PRR16: variants seen among roughly 807,000 people sequenced by gnomAD.
PRR16 encodes the protein protein Largen.
PRR16 carries 6 observed loss-of-function variants against 18.2 expected under a neutral mutation model. That is an observed-to-expected ratio of 0.33 (90% CI 0.18 to 0.65). The LOEUF is 0.65. Among genes scored for constraint, PRR16 ranks in the 30% least tolerant of loss-of-function variants. PRR16 has a pLI of 0.74. For synonymous variants in PRR16, 151 were observed against 147.8 expected (o/e 1.02, Z -0.16); for missense variants, 412 against 376.6 (o/e 1.09, Z -0.78).
At chr5:120,716,178 TG>T in the PRR16 span, among the ~76,000 whole-genome samples, 1 of 152,202 alleles carries the variant, frequency 6.6e-6, no homozygotes, top group South Asian at 2.1e-4. Flanking sequence ...ATATATTTAT[TG>T]GGGTCTTTCT....
chr5:120,488,627 G>T (rs1317822591), intron 1 of PRR16, among the ~76,000 whole-genome samples: 2 of 151,998 alleles, frequency 1.3e-5, no homozygotes, highest in Non-Finnish European at 2.9e-5. Context: ...TTTTTGAAGG[G>T]TTTTTTGTGT....
chr5:120,646,164 A>G (rs986421043), intron 1 of PRR16, among the ~76,000 whole-genome samples: 10 of 150,854 alleles, frequency 6.6e-5, no homozygotes, highest in African/African-American at 9.7e-5. Flanking sequence ...GAAAATGACA[A>G]TAATCTCTGT....
intron 1 of PRR16, among the ~76,000 whole-genome samples, chr5:120,509,694 G>A (rs1328161178): frequency 1.3e-5 from 2 of 152,048 alleles, no homozygotes; most frequent in African/African-American, 4.8e-5. Flanking sequence ...AGACATCAGA[G>A]TTTTACCCTA....
intron 1 of PRR16, among the ~76,000 whole-genome samples, chr5:120,526,958 G>A (rs1431303427): frequency 6.6e-6 from 1 of 152,140 alleles, no homozygotes; most frequent in Admixed American, 6.6e-5. Context: ...CAGCAGATCT[G>A]TAAAACTTAG....
At chr5:120,705,319 C>A in the PRR16 span, among the ~76,000 whole-genome samples, 1 of 152,020 alleles carries the variant, frequency 6.6e-6, no homozygotes, top group East Asian at 1.9e-4. Flanking sequence ...CCAACATTGC[C>A]AGAAATGTTA....
intron 1 of PRR16, among the ~76,000 whole-genome samples, chr5:120,585,652 A>G (rs1753416723): frequency 1.4e-5 from 2 of 145,676 alleles, no homozygotes; most frequent in South Asian, 4.3e-4. Flanking sequence ...ACACTACCCC[A>G]CTCCTTTGCC....
chr5:120,579,659 A>C (rs1753200394), intron 1 of PRR16, among the ~76,000 whole-genome samples: 1 of 152,114 alleles, frequency 6.6e-6, no homozygotes, highest in Non-Finnish European at 1.5e-5. Context: ...ATATAGTTTA[A>C]AGTCAGGTAG....
At chr5:120,778,418 G>C in the PRR16 span, among the ~76,000 whole-genome samples, 1 of 152,216 alleles carries the variant, frequency 6.6e-6, no homozygotes, top group South Asian at 2.1e-4. Flanking sequence ...TTTGCCTAAA[G>C]AGAAAAACAT....
At chr5:120,743,073 T>C in the PRR16 span, among the ~76,000 whole-genome samples, 1 of 152,206 alleles carries the variant, frequency 6.6e-6, no homozygotes, top group Admixed American at 6.5e-5. Context: ...TTCTACCTAT[T>C]ATCTTGTAAT....
At position 120,665,459 on chromosome 5, in the gene PRR16, T is replaced by A. The variant is rs972565967; in HGVS notation, c.160-20495T>A. On this transcript the variant is annotated intron_variant, in intron 1 of 1. Transcript: ENST00000407149. ...TTTGCTGTGCAGAAGCTCTTTAGTT[T>A]AATTAGATCCCATTTGTCAATTTTG... Among the ~76,000 whole-genome samples the A allele has an allele frequency of 3.3e-5, 5 of 152,268 alleles. No homozygotes were observed. In the East Asian group the frequency reaches 9.6e-4, roughly 29 times the overall value.
At chr5:120,526,759 G>T (rs747849629) in intron 1 of PRR16, among the ~76,000 whole-genome samples, 1 of 152,142 alleles carries the variant, frequency 6.6e-6, no homozygotes, top group South Asian at 2.1e-4. Flanking sequence ...ATTATTTGCT[G>T]TTTCCCAGCA....
At chr5:120,607,092 A>AT (rs556143579) in intron 1 of PRR16, among the ~76,000 whole-genome samples, 8 of 151,722 alleles carry the variant, frequency 5.3e-5, no homozygotes, top group South Asian at 2.1e-4. Context: ...GTATCAGTGA[A>AT]TTTTTTTTTG....
chr5:120,643,856 T>C (rs1755504178), intron 1 of PRR16, among the ~76,000 whole-genome samples: 1 of 151,932 alleles, frequency 6.6e-6, no homozygotes, highest in Non-Finnish European at 1.5e-5. Flanking sequence ...AATATAAAAA[T>C]TAGCCCGGCA....
Position 120,674,907 on chromosome 5 carries a change from G to A in PRR16, c.160-11047G>A, listed in dbSNP as rs180949654. 4.2e-3 allele frequency among the ~76,000 whole-genome samples: 636 copies of A among 151,054 alleles called. 5 individuals carry two copies. Among genetic ancestry groups the A allele is most frequent in the African/African-American group, 0.014 (595 of 41,270 alleles). ...TTAATATTTTTAAAATTTAACATTT[G>A]TTTTATATTCCAATTTTTTTATTTT... On this transcript the variant is annotated intron_variant, in intron 1 of 1. Transcript: ENST00000407149.
At chr5:120,699,531 C>G in the PRR16 span, among the ~76,000 whole-genome samples, 1 of 151,960 alleles carries the variant, frequency 6.6e-6, no homozygotes, top group Non-Finnish European at 1.5e-5. Flanking sequence ...GTGAGTATAG[C>G]TGAAGGAGCC....
At chr5:120,579,269 G>A (rs971798980) in intron 1 of PRR16, among the ~76,000 whole-genome samples, 1 of 152,078 alleles carries the variant, frequency 6.6e-6, no homozygotes, top group Non-Finnish European at 1.5e-5. Flanking sequence ...GATCTAATTT[G>A]TCAATTTTGG....
At chr5:120,703,464 T>G in the PRR16 span, among the ~76,000 whole-genome samples, 1 of 152,242 alleles carries the variant, frequency 6.6e-6, no homozygotes, top group Non-Finnish European at 1.5e-5. Context: ...TGTTGTTTCA[T>G]TTCCTGGGGA....
chr5:120,747,610 C>T, the PRR16 span, among the ~76,000 whole-genome samples: 77 of 152,216 alleles, frequency 5.1e-4, no homozygotes, highest in Non-Finnish European at 1.0e-3. Flanking sequence ...TCTGTACCCA[C>T]AATGAATGCC....
At chr5:120,650,855 G>T (rs1016958589) in intron 1 of PRR16, among the ~76,000 whole-genome samples, 18 of 152,114 alleles carry the variant, frequency 1.2e-4, no homozygotes, top group Non-Finnish European at 1.9e-4. Context: ...TAAAGGGATT[G>T]CTGGGTCAAA....
Sources: allele counts gnomAD v4.1 joint callset (sites outside exome capture counted in the v4.1 genomes callset), GRCh38; gene constraint gnomAD v4.1.1; transcripts MANE v1.5; gene names NCBI Gene and HGNC (gene_info 2026-07-23, HGNC 2026-07-21).